Variants in TRAT1 observed in about 807,000 individuals in gnomAD.
The protein encoded by TRAT1 is T-cell receptor-associated transmembrane adapter 1.
TRAT1 carries 20 observed loss-of-function variants against 20.0 expected under a neutral mutation model. That is an observed-to-expected ratio of 1.00 (90% CI 0.70 to 1.45). The LOEUF is 1.45. Among genes scored for constraint, TRAT1 ranks in the 40% most tolerant of loss-of-function variants. The pLI is 0.00. For synonymous variants in TRAT1, 77 were observed against 74.2 expected (o/e 1.04, Z -0.20); for missense variants, 237 against 224.1 (o/e 1.06, Z -0.37).
chr3:108,849,026 C>G, intron 4 of TRAT1, 140 bp from the exon 5 acceptor site: 1 of 713,346 alleles, frequency 1.4e-6, no homozygotes, highest in Non-Finnish European at 2.3e-6. Flanking sequence ...TTACCTCTTT[C>G]TATCTCCACC....
chr3:108,848,837 T>A (rs1047624526), intron 4 of TRAT1, among the ~76,000 whole-genome samples: 1 of 152,224 alleles, frequency 6.6e-6, no homozygotes, highest in Admixed American at 6.5e-5. Context: ...ATACTGGCAA[T>A]CCCTTAACTT....
chr3:108,822,984 C>T, intron 1 of TRAT1, 50 bp downstream of exon 1: 1 of 1,562,438 alleles, frequency 6.4e-7, no homozygotes, highest in South Asian at 1.1e-5. Flanking sequence ...TAAAAATTCA[C>T]TTAATTTCTA....
At chr3:108,850,444 A>G (rs1402185031) in intron 5 of TRAT1, among the ~76,000 whole-genome samples, 1 of 151,952 alleles carries the variant, frequency 6.6e-6, no homozygotes, top group Non-Finnish European at 1.5e-5. Context: ...AGCTGGGATT[A>G]CAGGTGCCTG....
In TRAT1 at chr3:108,833,649, C is replaced by T. The variant is rs142102127; in HGVS notation, c.118+2869C>T. 1.8e-3 allele frequency among the ~76,000 whole-genome samples: 280 copies of T among 152,104 alleles called. 1 individual carries two copies. The highest frequency in any genetic ancestry group is 6.5e-3 in the African/African-American group (269 of 41,496). ...TCTCTCAATTGTTTTTAATAGTATA[C>T]CTTTGAAGTAGACCTGATGTAAATT... On this transcript the variant is annotated intron_variant, in intron 2 of 5. Coordinates refer to ENST00000295756, the MANE Select transcript of TRAT1 (RefSeq NM_016388.4).
rs1276044318 is a variant in TRAT1 at position 108,854,893 on chromosome 3, C to T, written c.*1016C>T. The T allele has an allele frequency of 6.6e-6, 1 of 152,068 alleles. No individual in the cohort carries two copies. The highest frequency in any genetic ancestry group is 1.5e-5 in the Non-Finnish European group (1 of 67,978). 9.4% of individuals were successfully genotyped at this position (152,068 alleles called of 1,614,324 possible). On this transcript the variant is annotated 3_prime_UTR_variant, in exon 6 of 6. Transcript: ENST00000295756. ...TGTCTTCTCTCTGTTTCATCAGAAACACATACTATAATACTTGTCTCTGTC... is the reference window on the plus strand; with the variant it reads ...TGTCTTCTCTCTGTTTCATCAGAAATACATACTATAATACTTGTCTCTGTC...
intron 1 of TRAT1, 33 bp from the exon 2 acceptor site, chr3:108,830,637 T>G: frequency 7.1e-7 from 1 of 1,409,322 alleles, no homozygotes; most frequent in Non-Finnish European, 1.0e-6. Flanking sequence ...TAAGCAGCTG[T>G]TATATTATGT....
intron 2 of TRAT1, among the ~76,000 whole-genome samples, chr3:108,831,375 T>G (rs987086340): frequency 1.3e-5 from 2 of 152,172 alleles, no homozygotes; most frequent in African/African-American, 4.8e-5. Context: ...AATCTGCATA[T>G]GCCACAACTG....
intron 2 of TRAT1, among the ~76,000 whole-genome samples, chr3:108,831,337 G>A (rs955308331): frequency 6.6e-6 from 1 of 152,134 alleles, no homozygotes; most frequent in Non-Finnish European, 1.5e-5. Flanking sequence ...TCAACATGCT[G>A]GGCATAAGTT....
At chr3:108,837,879 T>C (rs534644583) in intron 2 of TRAT1, among the ~76,000 whole-genome samples, 1 of 152,208 alleles carries the variant, frequency 6.6e-6, no homozygotes, top group Non-Finnish European at 1.5e-5. Flanking sequence ...TTTTTTTCAA[T>C]AATTCATCAT....
chr3:108,840,283 C>T (rs1945882497), intron 3 of TRAT1, among the ~76,000 whole-genome samples: 3 of 152,110 alleles, frequency 2.0e-5, no homozygotes, highest in Admixed American at 2.0e-4. Context: ...GCTTACTGCT[C>T]TTTTGGTTTC....
At position 108,853,781 on chromosome 3, in the gene TRAT1, T is replaced by C. The variant is rs1179412390; in HGVS notation, c.465T>C (p.Ser155=). ...TTTCTAAGACCACCTTAGTAGACAG[T>C]TTCTCCCCAGAAAGCCAGGCAGTAG... ...ASVSKTTLVD[S]FSPESQAVEE... Residue 155 remains serine, a synonymous_variant, in exon 6 of 6, where the codon AGT becomes AGC. Transcript: ENST00000295756. 6.2e-7 allele frequency: 1 copy of C among 1,613,996 alleles called. No individual in the cohort carries two copies. The highest frequency in any genetic ancestry group is 2.2e-5 in the East Asian group (1 of 44,882).
At chr3:108,850,968 C>G (rs1322039503) in intron 5 of TRAT1, among the ~76,000 whole-genome samples, 1 of 152,158 alleles carries the variant, frequency 6.6e-6, no homozygotes, top group Non-Finnish European at 1.5e-5. Flanking sequence ...AAAGCCTGCT[C>G]TTTTGTAAAT....
In TRAT1 at chr3:108,854,149, T is replaced by C. The variant is rs1424635564; in HGVS notation, c.*272T>C. 1 of 292,234 alleles carries C rather than the reference T, an allele frequency of 3.4e-6. No homozygotes were observed. Among genetic ancestry groups the C allele is most frequent in the Non-Finnish European group, 6.4e-6 (1 of 156,360 alleles). 18.1% of individuals were successfully genotyped at this position (292,234 alleles called of 1,614,324 possible). On this transcript the variant is annotated 3_prime_UTR_variant, in exon 6 of 6. Coordinates refer to ENST00000295756, the MANE Select transcript of TRAT1 (RefSeq NM_016388.4). Reference sequence around the variant, plus strand: ...CCTCGGCAGCACATATACTAAAAATTAATAAGACCCAGCTTGAAAATTGAG... The same window carrying C: ...CCTCGGCAGCACATATACTAAAAATCAATAAGACCCAGCTTGAAAATTGAG...
chr3:108,828,820 G>A (rs1164182779), intron 1 of TRAT1, among the ~76,000 whole-genome samples: 1 of 152,188 alleles, frequency 6.6e-6, no homozygotes, highest in Non-Finnish European at 1.5e-5. Context: ...CAGATTGTAT[G>A]CTTTAATGGT....
rs758378182 is a variant in TRAT1, at chr3:108,853,841, T to C, written c.525T>C (p.Phe175=). The C allele has an allele frequency of 2.5e-6, 4 of 1,614,086 alleles. No homozygotes were observed. The highest frequency in any genetic ancestry group is 3.4e-6 in the Non-Finnish European group (4 of 1,179,950). ...TTCATGATGATCCCATCAGACTGTT[T>C]GGATTGATCCGTGCTAAGAGAGAAC... ...ENIHDDPIRL[F]GLIRAKREPI... is the part of the protein sequence containing the mutation. Residue 175 remains phenylalanine (F), a synonymous_variant, in exon 6 of 6, where the codon TTT becomes TTC. Transcript: ENST00000295756.
At chr3:108,824,149 C>T (rs2953343) in intron 1 of TRAT1, among the ~76,000 whole-genome samples, 2,870 of 152,204 alleles carry the variant, frequency 0.019, 83 homozygotes, top group African/African-American at 0.058. Context: ...AGATTACAGG[C>T]GTGAGCCACT....
At position 108,847,146 on chromosome 3, in the gene TRAT1, T is replaced by C. The variant is rs1347009778; in HGVS notation, c.214+17T>C. ...TGATTTCAGGTAAGTTTTCCATAAG[T>C]TAAATTTATAAATAAGTAAATCCCA... On this transcript the variant is annotated intron_variant, in intron 4 of 5. Transcript: ENST00000295756. 6.9e-7 allele frequency: 1 copy of C among 1,455,048 alleles called. No homozygotes were observed. Among genetic ancestry groups the C allele is most frequent in the Non-Finnish European group, 9.5e-7 (1 of 1,055,244 alleles). 90.1% of individuals were successfully genotyped at this position (1,455,048 alleles called of 1,614,324 possible). A position where few individuals can be genotyped will look rare whatever the true frequency, so the allele number is the denominator to read the frequency against.
intron 2 of TRAT1, among the ~76,000 whole-genome samples, chr3:108,838,333 GATAGATGATAGAT>G (rs1042451052): frequency 9.5e-5 from 10 of 105,458 alleles, no homozygotes; most frequent in African/African-American, 4.8e-4. Context: ...TAGATAGATA[GATAGATGATAGAT>G]ATAGATAGAT....
chr3:108,835,355 A>G (rs918685464), intron 2 of TRAT1, among the ~76,000 whole-genome samples: 2 of 152,238 alleles, frequency 1.3e-5, no homozygotes, highest in Non-Finnish European at 2.9e-5. Context: ...GCTTTATAGC[A>G]AAGCATACAC....
Sources: allele counts gnomAD v4.1 joint callset (sites outside exome capture counted in the v4.1 genomes callset), GRCh38; gene constraint gnomAD v4.1.1; transcripts MANE v1.5; gene names NCBI Gene and HGNC (gene_info 2026-07-23, HGNC 2026-07-21).